TAFA2: variants seen among roughly 807,000 people sequenced by gnomAD.
The protein encoded by TAFA2 is chemokine-like protein TAFA-2.
Under a neutral mutation model 18.8 loss-of-function variants are expected in TAFA2, and 7 were observed. The ratio of observed to expected loss-of-function variants is 0.37; its 90% CI spans 0.21 to 0.70. The LOEUF (loss-of-function observed/expected upper bound fraction) is 0.70. Ranked by LOEUF, TAFA2 falls within the 30% of genes least tolerant of loss-of-function variation. The probability of loss-of-function intolerance (pLI) is 0.53; values close to 1 mark genes in which losing one functional copy is unlikely to be tolerated. For synonymous variants in TAFA2, 60 were observed against 54.2 expected (o/e 1.11, Z -0.47); for missense variants, 122 against 158.1 (o/e 0.77, Z 1.23).
intron 1 of TAFA2, among the ~76,000 whole-genome samples, chr12:62,092,650 A>G (rs1320186803): frequency 2.0e-5 from 3 of 152,004 alleles, no homozygotes; most frequent in Non-Finnish European, 4.4e-5. Context: ...CCCAATGTCT[A>G]GAAAAGGATT....
intron 4 of TAFA2, among the ~76,000 whole-genome samples, chr12:61,718,235 C>T (rs935938842): frequency 6.6e-6 from 1 of 152,154 alleles, no homozygotes; most frequent in Non-Finnish European, 1.5e-5. Flanking sequence ...AGTGTGCCTG[C>T]CATGAACTAT....
intron 1 of TAFA2, among the ~76,000 whole-genome samples, chr12:61,981,396 TG>T (rs1272004214): frequency 6.6e-6 from 1 of 152,178 alleles, no homozygotes; most frequent in Non-Finnish European, 1.5e-5. Context: ...GACATAGGCA[TG>T]GGCAAGGACT....
chr12:61,834,726 A>G (rs1483592555), intron 2 of TAFA2, among the ~76,000 whole-genome samples: 21 of 152,026 alleles, frequency 1.4e-4, no homozygotes, highest in Admixed American at 7.2e-4. Context: ...AAAAAACTGT[A>G]AGACATATCT....
At chr12:61,852,591 T>C (rs895370947) in intron 2 of TAFA2, among the ~76,000 whole-genome samples, 1 of 152,144 alleles carries the variant, frequency 6.6e-6, no homozygotes, top group Non-Finnish European at 1.5e-5. Context: ...TAAATGCACA[T>C]GTTTGGTGCC....
intron 1 of TAFA2, among the ~76,000 whole-genome samples, chr12:62,115,237 C>T (rs528178407): frequency 6.6e-6 from 1 of 152,116 alleles, no homozygotes; most frequent in Non-Finnish European, 1.5e-5. Context: ...AATTTGCACC[C>T]TTTGCACCAA....
At position 61,710,297 on chromosome 12, in the gene TAFA2, C is replaced by T. The variant is rs1869334360; in HGVS notation, c.*109G>A. 1.0e-6 allele frequency: 1 copy of T among 979,022 alleles called. No individual in the cohort carries two copies. The highest frequency in any genetic ancestry group is 1.6e-6 in the Non-Finnish European group (1 of 615,046). The allele number at this position is 979,022 out of a possible 1,614,324, so 60.6% of individuals were successfully genotyped here. A position where few individuals can be genotyped will look rare whatever the true frequency, so the allele number is the denominator to read the frequency against. ...TCCCTTGGAAATAGACTATTGAGCG[C>T]CTCTTTCAAGTGGTATAAAAATCTT... On this transcript the variant is annotated 3_prime_UTR_variant, in exon 5 of 5. Coordinates refer to ENST00000416284, the MANE Select transcript of TAFA2 (RefSeq NM_178539.5).
intron 1 of TAFA2, among the ~76,000 whole-genome samples, chr12:62,181,224 A>C (rs1378459912): frequency 6.6e-6 from 1 of 152,160 alleles, no homozygotes; most frequent in Non-Finnish European, 1.5e-5. Context: ...TCTTCACAGA[A>C]TTCTCCCTTC....
chr12:61,939,437 T>C (rs1877906354), intron 1 of TAFA2, among the ~76,000 whole-genome samples: 1 of 152,184 alleles, frequency 6.6e-6, no homozygotes, highest in Non-Finnish European at 1.5e-5. Flanking sequence ...TGGCAAAAAA[T>C]ACTATCCATT....
At chr12:62,212,163 G>C (rs2062716501) in intron 1 of TAFA2, among the ~76,000 whole-genome samples, 2 of 152,124 alleles carry the variant, frequency 1.3e-5, no homozygotes, top group South Asian at 4.1e-4. Flanking sequence ...AAAGAAATTT[G>C]GTGTATAGTC....
At chr12:61,831,254 C>T (rs947795236) in intron 2 of TAFA2, among the ~76,000 whole-genome samples, 39 of 151,956 alleles carry the variant, frequency 2.6e-4, no homozygotes, top group African/African-American at 8.7e-4. Context: ...GTGCCTATGC[C>T]TTTAATCTTT....
At chr12:61,795,000 C>G (rs1871133557) in intron 2 of TAFA2, among the ~76,000 whole-genome samples, 1 of 152,100 alleles carries the variant, frequency 6.6e-6, no homozygotes, top group African/African-American at 2.4e-5. Context: ...CACTGGCCAT[C>G]AGAGAAATGC....
rs552906909 is a variant in TAFA2 at position 62,035,567 on chromosome 12, C to T, written c.-2+155692G>A. On this transcript the variant is annotated intron_variant, in intron 1 of 4. Transcript: ENST00000416284. ...AAATAAAAAAAATTAAAAAAAAAAA[C>T]CACACAGGCTATTCAAAGAACTGAA... Among the ~76,000 whole-genome samples the T allele has an allele frequency of 1.8e-3, 275 of 149,062 alleles. 2 individuals are homozygous for T. Among genetic ancestry groups the T allele is most frequent in the Admixed American group, 4.0e-3 (61 of 15,086 alleles).
intron 2 of TAFA2, among the ~76,000 whole-genome samples, chr12:61,833,065 T>TATAC (rs1872778683): frequency 6.8e-6 from 1 of 147,138 alleles, no homozygotes; most frequent in Admixed American, 6.8e-5. Context: ...AATAAATATA[T>TATAC]ATACATATAT....
At chr12:62,057,703 C>A (rs946464709) in intron 1 of TAFA2, among the ~76,000 whole-genome samples, 1 of 152,110 alleles carries the variant, frequency 6.6e-6, no homozygotes, top group African/African-American at 2.4e-5. Flanking sequence ...AGTATCATTA[C>A]CTTTCTTTCA....
In TAFA2 at chr12:62,156,228, A is replaced by G. The variant is rs573003855; in HGVS notation, c.-2+35031T>C. The stretch of plus-strand genomic sequence containing the variant: ...ATCACTAATGATTAGGGAAATGCAA[A>G]TCAAAATCACAATGCGATACCACCT... On this transcript the variant is annotated intron_variant, in intron 1 of 4. Coordinates refer to ENST00000416284, the MANE Select transcript of TAFA2 (RefSeq NM_178539.5). Among the ~76,000 whole-genome samples, 135 of 152,352 alleles carry G rather than the reference A, an allele frequency of 8.9e-4. 2 individuals carry two copies. Among genetic ancestry groups the G allele is most frequent in the African/African-American group, 3.1e-3 (131 of 41,590 alleles).
chr12:61,881,232 G>T (rs1419967220), intron 1 of TAFA2, among the ~76,000 whole-genome samples: 1 of 152,050 alleles, frequency 6.6e-6, no homozygotes, highest in Non-Finnish European at 1.5e-5. Context: ...TATATATACA[G>T]TTATGCATTG....
intron 1 of TAFA2, among the ~76,000 whole-genome samples, chr12:62,166,517 C>A (rs1245438216): frequency 2.0e-5 from 3 of 152,122 alleles, no homozygotes; most frequent in Non-Finnish European, 4.4e-5. Context: ...CCCCAGTTTC[C>A]CTTGCTTCAA....
intron 1 of TAFA2, among the ~76,000 whole-genome samples, chr12:62,093,070 T>G (rs937113498): frequency 6.6e-6 from 1 of 152,060 alleles, no homozygotes; most frequent in African/African-American, 2.4e-5. Context: ...TTATGGATTT[T>G]TATAGGATTT....
intron 4 of TAFA2, among the ~76,000 whole-genome samples, chr12:61,727,510 G>T (rs942612779): frequency 6.6e-6 from 1 of 151,848 alleles, no homozygotes; most frequent in Admixed American, 6.6e-5. Flanking sequence ...GTGCATAAAG[G>T]TGTTCATAGT....
Sources: gnomAD v4.1 joint callset for allele counts (sites outside exome capture counted in the v4.1 genomes callset) on GRCh38, gnomAD v4.1.1 for gene constraint, MANE v1.5 for transcripts, NCBI Gene and HGNC (gene_info 2026-07-23, HGNC 2026-07-21) for gene names.